Variants in SIRT4 observed in about 807,000 individuals in gnomAD.
SIRT4 encodes NAD-dependent protein lipoamidase sirtuin-4, mitochondrial.
Under a neutral mutation model 26.1 loss-of-function variants are expected in SIRT4, and 23 were observed. The ratio of observed to expected loss-of-function variants is 0.88; its 90% CI spans 0.63 to 1.25. The LOEUF (loss-of-function observed/expected upper bound fraction) is 1.25. SIRT4 is among the 50% of genes most tolerant of loss of function. The pLI is 0.00. For synonymous variants in SIRT4, 155 were observed against 158.4 expected (o/e 0.98, Z 0.16); for missense variants, 361 against 405.4 (o/e 0.89, Z 0.94).
chr12:120,294,202 C>A, the SIRT4 span, among the ~76,000 whole-genome samples: 1 of 151,902 alleles, frequency 6.6e-6, no homozygotes, highest in African/African-American at 2.4e-5. Context: ...CCATGTTGGC[C>A]AGGCTGGTCT....
intron 2 of SIRT4, among the ~76,000 whole-genome samples, chr12:120,309,343 C>A (rs1872865591): frequency 6.6e-6 from 1 of 151,884 alleles, no homozygotes; most frequent in Non-Finnish European, 1.5e-5. Flanking sequence ...TTTATCCATT[C>A]TGTCTCTTCT....
the SIRT4 span, among the ~76,000 whole-genome samples, chr12:120,296,248 C>A: frequency 1.7e-4 from 25 of 151,314 alleles, no homozygotes; most frequent in Non-Finnish European, 3.5e-4. Context: ...GACGGAGTCT[C>A]GCTCTGTCGC....
At position 120,312,530 on chromosome 12, in the gene SIRT4, C is replaced by G. The variant is rs751444629; in HGVS notation, c.572C>G (p.Thr191Ser). 6.2e-7 allele frequency: 1 copy of G among 1,614,154 alleles called. No individual in the cohort carries two copies. Among genetic ancestry groups the G allele is most frequent in the Non-Finnish European group, 8.5e-7 (1 of 1,180,034 alleles). ...LQERFQVLNPTWSAEAHGLAP... is the reference protein window; with the variant it reads ...LQERFQVLNPSWSAEAHGLAP... ...GAGCGTTTCCAAGTCCTGAACCCCA[C>G]CTGGAGTGCTGAGGCCCATGGCCTG... Residue 191 changes from threonine to serine, a missense_variant, in exon 3 of 4, where the codon ACC (threonine) becomes AGC (serine). Thr to Ser is a moderately conservative substitution (Grantham distance 58). Coordinates refer to ENST00000202967, the MANE Select transcript of SIRT4 (RefSeq NM_012240.3).
At chr12:120,298,366 T>C (rs1228335125), upstream of SIRT4, among the ~76,000 whole-genome samples, 1 of 152,008 alleles carries the variant, frequency 6.6e-6, no homozygotes, top group Non-Finnish European at 1.5e-5. Context: ...CACAACACTT[T>C]GGAAAGCCTA....
At chr12:120,311,619 C>T (rs938215127) in intron 2 of SIRT4, among the ~76,000 whole-genome samples, 51 of 150,290 alleles carry the variant, frequency 3.4e-4, no homozygotes, top group South Asian at 1.3e-3. Context: ...CCTGTAATCC[C>T]GGCTACTCAG....
intron 1 of SIRT4, among the ~76,000 whole-genome samples, chr12:120,302,912 G>A (rs1370605875): frequency 1.3e-5 from 2 of 150,530 alleles, no homozygotes; most frequent in Admixed American, 6.6e-5. Flanking sequence ...TAGTAGAGTC[G>A]GGGTTTCACC....
chr12:120,294,090 G>C, the SIRT4 span, among the ~76,000 whole-genome samples: 1 of 127,226 alleles, frequency 7.9e-6, no homozygotes, highest in Non-Finnish European at 1.5e-5. Flanking sequence ...TGCAACCACT[G>C]CCTCCCGGAT....
chr12:120,299,446 G>A (rs1241369812), upstream of SIRT4, among the ~76,000 whole-genome samples: 2 of 151,422 alleles, frequency 1.3e-5, no homozygotes, highest in Non-Finnish European at 2.9e-5. Context: ...TAGCTACTCC[G>A]GAGGCCGAGG....
At chr12:120,312,084 A>T (rs1873000436) in intron 2 of SIRT4, among the ~76,000 whole-genome samples, 1 of 151,974 alleles carries the variant, frequency 6.6e-6, no homozygotes, top group African/African-American at 2.4e-5. Context: ...GGAGTTTGAG[A>T]CCAGCCTGGG....
At chr12:120,301,562 G>C (rs1014615013), upstream of SIRT4, among the ~76,000 whole-genome samples, 9 of 152,246 alleles carry the variant, frequency 5.9e-5, no homozygotes, top group East Asian at 1.7e-3. Context: ...CATTTTGGGG[G>C]GCCGAGGTTG....
chr12:120,303,687 G>A lies in SIRT4; in HGVS notation c.126G>A (p.Glu42=). The change falls in exon 2 of 4, where the codon GAG becomes GAA. Residue 42 remains glutamate (E), a synonymous_variant. Transcript: ENST00000202967. ...FVPASPPLDP[E]KVKELQRFIT... ...CAGCAAGTCCTCCTCTGGACCCTGA[G>A]AAGGTCAAAGAGTTACAGCGCTTCA... The A allele has an allele frequency of 5.6e-6, 9 of 1,614,148 alleles. No individual in the cohort carries two copies. Among genetic ancestry groups the A allele is most frequent in the South Asian group, 1.1e-5 (1 of 91,086 alleles).
At chr12:120,296,594 A>G in the SIRT4 span, among the ~76,000 whole-genome samples, 13 of 146,326 alleles carry the variant, frequency 8.9e-5, no homozygotes, top group African/African-American at 3.3e-4. Flanking sequence ...TGCAGCCTAA[A>G]TCTCCTGGGC....
At chr12:120,301,098 G>A (rs1481188725), upstream of SIRT4, among the ~76,000 whole-genome samples, 1 of 152,204 alleles carries the variant, frequency 6.6e-6, no homozygotes, top group African/African-American at 2.4e-5. Flanking sequence ...TGTAATCCCA[G>A]TACTTTGGGA....
At chr12:120,293,185 A>G in the SIRT4 span, 1 of 152,208 alleles carries the variant, frequency 6.6e-6, no homozygotes, top group Non-Finnish European at 1.5e-5. Context: ...AATTAGCAAT[A>G]ATCGCGCCTC....
the SIRT4 span, chr12:120,291,914 T>C: frequency 0.029 from 4,449 of 151,716 alleles, 88 homozygotes; most frequent in Middle Eastern, 0.076. Flanking sequence ...GGAAAGGTTC[T>C]GTTCGCGCCC....
the SIRT4 span, among the ~76,000 whole-genome samples, chr12:120,294,828 CTT>C: frequency 2.6e-4 from 36 of 137,388 alleles, no homozygotes; most frequent in Admixed American, 3.0e-4. Flanking sequence ...ACTGTTTATC[CTT>C]TTTTTTTTTT....
chr12:120,291,806 C>G, the SIRT4 span: 2 of 152,184 alleles, frequency 1.3e-5, no homozygotes, highest in Non-Finnish European at 2.9e-5. Flanking sequence ...GACTATATTT[C>G]AAGTCGTCAT....
the SIRT4 span, chr12:120,293,127 GC>G: frequency 6.6e-6 from 1 of 152,166 alleles, no homozygotes; most frequent in Non-Finnish European, 1.5e-5. Context: ...AATTGCCAGT[GC>G]CGACTATATT....
upstream of SIRT4, among the ~76,000 whole-genome samples, chr12:120,297,856 G>GAAAATGTGCTGGATTAT (rs1176320668): frequency 6.6e-6 from 1 of 152,136 alleles, no homozygotes; most frequent in Non-Finnish European, 1.5e-5. Context: ...AATGTGTGCA[G>GAAAATGTGCTGGATTAT]AAAATGTGCT....
Sources: gnomAD v4.1 joint callset for allele counts (sites outside exome capture counted in the v4.1 genomes callset) on GRCh38, gnomAD v4.1.1 for gene constraint, MANE v1.5 for transcripts, NCBI Gene and HGNC (gene_info 2026-07-23, HGNC 2026-07-21) for gene names.